SPAG11A: variants seen among roughly 807,000 people sequenced by gnomAD.
The protein encoded by SPAG11A is sperm-associated antigen 11A.
SPAG11A carries 2 observed loss-of-function variants against 5.5 expected under a neutral mutation model. The observed-to-expected ratio is 0.37, with a 90% confidence interval of 0.15 to 1.15. SPAG11A has a LOEUF of 1.15. Among genes scored for constraint, SPAG11A ranks in the 50% most tolerant of loss-of-function variants. The probability of loss-of-function intolerance (pLI) is 0.38; values close to 1 mark genes in which losing one functional copy is unlikely to be tolerated. For synonymous variants in SPAG11A, 11 were observed against 42.7 expected, an observed-to-expected ratio of 0.26 and a Z score of 2.90; for missense variants, 24 against 122.5, an observed-to-expected ratio of 0.20 and a Z score of 3.80.
intron 2 of SPAG11A, among the ~76,000 whole-genome samples, chr8:7,857,416 G>A (rs1227066730): frequency 3.8e-5 from 4 of 104,834 alleles, no homozygotes; most frequent in Non-Finnish European, 6.4e-5. Flanking sequence ...TTCCCTAAGG[G>A]GCAAATGAAA....
At chr8:7,860,484 T>C (rs1338612796) in intron 2 of SPAG11A, 162 bp from the exon 3 acceptor site, 4 of 1,393,804 alleles carry the variant, frequency 2.9e-6, no homozygotes, top group Non-Finnish European at 3.8e-6. Flanking sequence ...TAAATTATCG[T>C]TCCTGTTTTA....
chr8:7,862,737 C>CGGAAG (rs1190649883), downstream of SPAG11A, among the ~76,000 whole-genome samples: 323 of 119,834 alleles, frequency 2.7e-3, 2 homozygotes, highest in African/African-American at 7.7e-3. Flanking sequence ...GAAGCAAACA[C>CGGAAG]GGAAGGGAAG....
intron 2 of SPAG11A, 55 bp downstream of exon 2, chr8:7,848,898 G>A (rs2128926183): frequency 2.2e-6 from 1 of 462,730 alleles, no homozygotes; most frequent in South Asian, 2.1e-5. Context: ...GACGTAGAGG[G>A]AACAAATAGA....
downstream of SPAG11A, among the ~76,000 whole-genome samples, chr8:7,861,345 G>C (rs1238952400): frequency 8.2e-5 from 12 of 145,922 alleles, 1 homozygote; most frequent in African/African-American, 3.0e-4. Context: ...AATACAACAA[G>C]CTGATAGTGT....
At chr8:7,852,391 A>C (rs867783532) in intron 2 of SPAG11A, among the ~76,000 whole-genome samples, 938 of 151,282 alleles carry the variant, frequency 6.2e-3, no homozygotes, top group African/African-American at 0.022. Flanking sequence ...TTGGCTCACC[A>C]CCACCTCCAC....
In SPAG11A at chr8:7,858,071, G is replaced by A. The variant is rs1245029500; in HGVS notation, c.215-2575G>A. On this transcript the variant is annotated intron_variant, in intron 2 of 2. Coordinates refer to ENST00000642566, the Ensembl canonical transcript of SPAG11A. ...TATTGCTTACATAAAAATGGGGTATGGATTCATCTCTGCTTCCATACACAT... is the reference window on the plus strand; with the variant it reads ...TATTGCTTACATAAAAATGGGGTATAGATTCATCTCTGCTTCCATACACAT... Among the ~76,000 whole-genome samples the A allele has an allele frequency of 1.6e-3, 169 of 103,302 alleles. 3 individuals are homozygous for A. Among genetic ancestry groups the A allele is most frequent in the African/African-American group, 4.4e-3 (159 of 35,802 alleles). The allele number at this position is 103,302 out of a possible 152,430, so 67.8% of individuals were successfully genotyped here. A position where few individuals can be genotyped will look rare whatever the true frequency, so the allele number is the denominator to read the frequency against.
intron 2 of SPAG11A, among the ~76,000 whole-genome samples, chr8:7,852,761 A>G: frequency 6.9e-6 from 1 of 144,434 alleles, no homozygotes; most frequent in Admixed American, 7.0e-5. Context: ...TATCCTTGAA[A>G]TATCCTCTCA....
chr8:7,862,631 T>G (rs1302073143), downstream of SPAG11A, among the ~76,000 whole-genome samples: 2 of 34,490 alleles, frequency 5.8e-5, no homozygotes, highest in Non-Finnish European at 1.8e-4. Context: ...CCAAAGGAAG[T>G]GTTTGTCCAC....
At chr8:7,852,393 C>A (rs559151144) in intron 2 of SPAG11A, among the ~76,000 whole-genome samples, 934 of 151,392 alleles carry the variant, frequency 6.2e-3, no homozygotes, top group African/African-American at 0.022. Context: ...GGCTCACCAC[C>A]ACCTCCACCT....
At chr8:7,852,274 G>C (rs1817949135) in intron 2 of SPAG11A, among the ~76,000 whole-genome samples, 1 of 152,148 alleles carries the variant, frequency 6.6e-6, no homozygotes, top group South Asian at 2.1e-4. Flanking sequence ...TTTCTCTTCT[G>C]TAAAATTTAA....
chr8:7,862,765 GA>G (rs1277370303), downstream of SPAG11A, among the ~76,000 whole-genome samples: 1 of 127,324 alleles, frequency 7.9e-6, no homozygotes, highest in Non-Finnish European at 1.7e-5. Context: ...AAGGGGAGGA[GA>G]GGGGAAGGGA....
In SPAG11A at chr8:7,860,513, T is replaced by C. The variant is rs1463740148; in HGVS notation, c.215-133T>C. On this transcript the variant is annotated intron_variant, in intron 2 of 2. Transcript: ENST00000642566. ...TGTTTTAAAGCTAAGAGGCCAAAGT[T>C]CGGTTAAACTGGGGCTTGTCCAAAA... The C allele has an allele frequency of 3.0e-6, 4 of 1,350,894 alleles. 1 individual carries two copies. The highest frequency in any genetic ancestry group is 4.0e-6 in the Non-Finnish European group (4 of 1,009,322). The allele number at this position is 1,350,894 out of a possible 1,614,324, so 83.7% of individuals were successfully genotyped here.
chr8:7,852,560 C>T (rs1167637239), intron 2 of SPAG11A, among the ~76,000 whole-genome samples: 8 of 149,846 alleles, frequency 5.3e-5, no homozygotes, highest in African/African-American at 1.2e-4. Flanking sequence ...CTCAAACTCC[C>T]GACCTCAGGT....
chr8:7,858,618 A>G (rs1426486855), intron 2 of SPAG11A, among the ~76,000 whole-genome samples: 1 of 86,188 alleles, frequency 1.2e-5, no homozygotes, highest in Non-Finnish European at 2.9e-5. Flanking sequence ...AGGTTCATCC[A>G]CGTTGTTGTA....
chr8:7,860,487 C>G lies in SPAG11A; in HGVS notation c.215-159C>G, dbSNP rs1453527968. 6 of 1,389,532 alleles carry G rather than the reference C, an allele frequency of 4.3e-6. 1 individual carries two copies. In the African/African-American group the frequency reaches 5.7e-5, roughly 13 times the overall value. The allele number at this position is 1,389,532 out of a possible 1,614,324, so 86.1% of individuals were successfully genotyped here. Reference sequence around the variant, plus strand: ...ACATTTCAGATATAAATTATCGTTCCTGTTTTAAAGCTAAGAGGCCAAAGT... The same window carrying G: ...ACATTTCAGATATAAATTATCGTTCGTGTTTTAAAGCTAAGAGGCCAAAGT... On this transcript the variant is annotated intron_variant, in intron 2 of 2. Transcript: ENST00000642566.
downstream of SPAG11A, chr8:7,863,498 C>A (rs758160577): frequency 6.3e-7 from 1 of 1,597,316 alleles, no homozygotes. Context: ...TATTTGGGAA[C>A]AGGGACAGGC....
At chr8:7,858,620 G>A (rs1477238360) in intron 2 of SPAG11A, among the ~76,000 whole-genome samples, 2 of 85,946 alleles carry the variant, frequency 2.3e-5, no homozygotes, top group African/African-American at 3.1e-5. Flanking sequence ...GTTCATCCAC[G>A]TTGTTGTACA....
At chr8:7,852,335 CAG>C (rs1274891597) in intron 2 of SPAG11A, among the ~76,000 whole-genome samples, 1 of 152,070 alleles carries the variant, frequency 6.6e-6, no homozygotes, top group Non-Finnish European at 1.5e-5. Flanking sequence ...TTTTTTGAGA[CAG>C]AGTTTCACCC....
chr8:7,858,228 TC>T (rs2128928297), intron 2 of SPAG11A, among the ~76,000 whole-genome samples: 1 of 111,682 alleles, frequency 9.0e-6, no homozygotes, highest in African/African-American at 2.7e-5. Flanking sequence ...ATCTAAGTGA[TC>T]CTGGGACTAA....
Sources: gnomAD v4.1 joint callset for allele counts (sites outside exome capture counted in the v4.1 genomes callset) on GRCh38, gnomAD v4.1.1 for gene constraint, MANE v1.5 for transcripts, NCBI Gene and HGNC (gene_info 2026-07-23, HGNC 2026-07-21) for gene names.